Variants in KAZN observed in about 807,000 individuals in gnomAD.
KAZN encodes kazrin.
Under a neutral mutation model 87.4 loss-of-function variants are expected in KAZN, and 40 were observed. The ratio of observed to expected loss-of-function variants is 0.46; its 90% CI spans 0.36 to 0.60. The LOEUF is 0.60. Among genes scored for constraint, KAZN ranks in the 20% least tolerant of loss-of-function variants. KAZN has a pLI of 0.00. For synonymous variants in KAZN, 466 were observed against 458.3 expected (o/e 1.02, Z -0.22); for missense variants, 898 against 1,073.9 (o/e 0.84, Z 2.29).
intron 1 of KAZN, among the ~76,000 whole-genome samples, chr1:14,010,424 AT>A (rs1640241375): frequency 1.3e-5 from 2 of 152,192 alleles, no homozygotes; most frequent in South Asian, 4.1e-4. Flanking sequence ...TCTGATCAGC[AT>A]TCTATATTGA....
intron 1 of KAZN, among the ~76,000 whole-genome samples, chr1:13,915,281 C>T (rs1639805244): frequency 1.3e-5 from 2 of 152,110 alleles, no homozygotes; most frequent in South Asian, 4.2e-4. Context: ...GCCTGGGGAC[C>T]ACGGGACTTT....
intron 2 of KAZN, among the ~76,000 whole-genome samples, chr1:14,559,812 T>C (rs1464171006): frequency 6.6e-6 from 1 of 152,158 alleles, no homozygotes; most frequent in African/African-American, 2.4e-5. Context: ...TGCAACTCCT[T>C]GTGTGACCTT....
intron 2 of KAZN, among the ~76,000 whole-genome samples, chr1:14,352,160 T>C (rs1658598657): frequency 6.6e-6 from 1 of 152,256 alleles, no homozygotes; most frequent in Non-Finnish European, 1.5e-5. Flanking sequence ...CATTGTTTTA[T>C]GCTTGTAACA....
At chr1:14,149,588 C>T (rs935537577) in intron 1 of KAZN, among the ~76,000 whole-genome samples, 7 of 152,048 alleles carry the variant, frequency 4.6e-5, no homozygotes, top group African/African-American at 9.7e-5. Flanking sequence ...CTTCCCTGGG[C>T]GTTTTCATCG....
intron 2 of KAZN, among the ~76,000 whole-genome samples, chr1:14,530,506 T>C (rs1463543445): frequency 6.6e-6 from 1 of 152,154 alleles, no homozygotes. Context: ...GGGAGGTGTT[T>C]TGGTCATGGG....
At chr1:14,852,338 A>T (rs1649551980) in intron 1 of KAZN, among the ~76,000 whole-genome samples, 1 of 152,216 alleles carries the variant, frequency 6.6e-6, no homozygotes, top group Non-Finnish European at 1.5e-5. Flanking sequence ...CAGGCTTTCC[A>T]TGCTTCAGCC....
intron 1 of KAZN, among the ~76,000 whole-genome samples, chr1:14,920,804 TATC>T (rs528505228): frequency 6.7e-4 from 102 of 152,150 alleles, no homozygotes; most frequent in African/African-American, 2.5e-3. Context: ...CCCCAAGAGT[TATC>T]ATTTGTGTGG....
intron 4 of KAZN, among the ~76,000 whole-genome samples, chr1:15,046,589 G>A (rs975341885): frequency 1.3e-5 from 2 of 152,210 alleles, no homozygotes; most frequent in Non-Finnish European, 2.9e-5. Context: ...GAAGCATTTG[G>A]CACCGGGCCT....
chr1:15,026,893 A>G lies in KAZN; in HGVS notation c.419-7856A>G, dbSNP rs181436290. Among the ~76,000 whole-genome samples, 46 of 152,218 alleles carry G rather than the reference A, an allele frequency of 3.0e-4. 1 individual carries two copies. Among genetic ancestry groups the G allele is most frequent in the Admixed American group, 2.8e-3 (43 of 15,266 alleles). On this transcript the variant is annotated intron_variant, in intron 2 of 14. Transcript: ENST00000376030. The stretch of plus-strand genomic sequence containing the variant: ...ACAGTACACGGGAGGACGTGTGTAG[A>G]TAATTTGCAAATACTATGTTTCATC...
intron 2 of KAZN, among the ~76,000 whole-genome samples, chr1:14,472,257 C>A (rs148939709): frequency 2.0e-5 from 3 of 152,140 alleles, no homozygotes; most frequent in Non-Finnish European, 4.4e-5. Context: ...CATACAGAAA[C>A]GTTCAGACCA....
intron 2 of KAZN, among the ~76,000 whole-genome samples, chr1:14,283,603 A>T (rs986109726): frequency 6.6e-6 from 1 of 152,208 alleles, no homozygotes; most frequent in Admixed American, 6.5e-5. Flanking sequence ...AGTGTTGAAG[A>T]TGTGGAAAAA....
At chr1:14,215,069 G>A (rs1646931990) in intron 2 of KAZN, among the ~76,000 whole-genome samples, 2 of 152,184 alleles carry the variant, frequency 1.3e-5, no homozygotes, top group African/African-American at 4.8e-5. Flanking sequence ...GTAATCTCAT[G>A]TTTCTAACTT....
intron 1 of KAZN, among the ~76,000 whole-genome samples, chr1:14,144,426 G>T (rs1457731115): frequency 6.6e-6 from 1 of 151,970 alleles, no homozygotes; most frequent in Non-Finnish European, 1.5e-5. Context: ...GTCATTTTTA[G>T]TTTCTCTCTT....
chr1:14,110,485 T>C (rs1411979853), intron 1 of KAZN, among the ~76,000 whole-genome samples: 1 of 152,250 alleles, frequency 6.6e-6, no homozygotes, highest in African/African-American at 2.4e-5. Context: ...CCCATACAAC[T>C]TACAACAGTG....
chr1:14,679,185 G>A (rs948858045), intron 1 of KAZN, among the ~76,000 whole-genome samples: 1 of 152,208 alleles, frequency 6.6e-6, no homozygotes. Context: ...AAGAGAAGCG[G>A]GCAGGCCAGG....
intron 1 of KAZN, among the ~76,000 whole-genome samples, chr1:14,698,150 C>T (rs1463846024): frequency 1.3e-5 from 2 of 152,338 alleles, no homozygotes; most frequent in Middle Eastern, 3.4e-3. Context: ...GTGTGAATTT[C>T]CATCTGCAAA....
intron 2 of KAZN, among the ~76,000 whole-genome samples, chr1:14,333,485 T>C (rs1656995681): frequency 6.6e-6 from 1 of 152,168 alleles, no homozygotes; most frequent in Non-Finnish European, 1.5e-5. Context: ...CCACTCTACT[T>C]CTCATTCATC....
chr1:14,428,208 A>G (rs1190323076), intron 2 of KAZN, among the ~76,000 whole-genome samples: 4 of 152,036 alleles, frequency 2.6e-5, no homozygotes, highest in Non-Finnish European at 4.4e-5. Context: ...ACATTCCATG[A>G]CTCTTTCAGG....
chr1:14,154,789 A>T (rs547275633), intron 1 of KAZN, among the ~76,000 whole-genome samples: 25 of 152,352 alleles, frequency 1.6e-4, no homozygotes, highest in African/African-American at 6.0e-4. Context: ...GACATTATGC[A>T]TCATATTGAT....
Sources: gnomAD v4.1 joint callset for allele counts (sites outside exome capture counted in the v4.1 genomes callset) on GRCh38, gnomAD v4.1.1 for gene constraint, MANE v1.5 for transcripts, NCBI Gene and HGNC (gene_info 2026-07-23, HGNC 2026-07-21) for gene names.